GRM7: variants seen among roughly 807,000 people sequenced by gnomAD.
The protein encoded by GRM7 is glutamate metabotropic receptor 7.
In GRM7, 35 loss-of-function variants were observed where a neutral mutation model predicts 84.5. That is an observed-to-expected ratio of 0.41 (90% CI 0.32 to 0.55). The LOEUF (loss-of-function observed/expected upper bound fraction) is 0.55, where lower values mean the gene tolerates loss of function less well. Among genes scored for constraint, GRM7 ranks in the 20% least tolerant of loss-of-function variants. GRM7 has a pLI of 0.19. For missense variants in GRM7, 1,003 were observed against 1,194.6 expected (o/e 0.84, Z 2.36); for synonymous variants, 487 against 455.1 (o/e 1.07, Z -0.89).
rs189946338 is a variant in GRM7, at chr3:7,486,151, T to C, written c.1515+24429T>C. Among the ~76,000 whole-genome samples the C allele has an allele frequency of 2.0e-5, 3 of 152,202 alleles. No individual in the cohort carries two copies. The highest frequency in any genetic ancestry group is 2.9e-5 in the Non-Finnish European group (2 of 68,040). On this transcript the variant is annotated intron_variant, in intron 7 of 9. Transcript: ENST00000357716. This position sits in a 1 kb window ranked among gnomAD's most constrained non-coding sequence, Gnocchi z 5.5. ...TTGAACTGACTCTGATCTTAGAATA[T>C]ATTTCATTTTGCTCTAAAAGTAGAA...
intron 4 of GRM7, among the ~76,000 whole-genome samples, chr3:7,320,848 A>G (rs1197983533): frequency 3.3e-5 from 5 of 152,016 alleles, no homozygotes; most frequent in Non-Finnish European, 2.9e-5. Flanking sequence ...CCATTGATAC[A>G]TCATAAACAT....
intron 7 of GRM7, among the ~76,000 whole-genome samples, chr3:7,481,688 C>A (rs979466810): frequency 6.6e-6 from 1 of 152,148 alleles, no homozygotes; most frequent in African/African-American, 2.4e-5. Context: ...GGGAAGAATC[C>A]TCTCTCAGGA....
intron 7 of GRM7, among the ~76,000 whole-genome samples, chr3:7,517,803 T>A (rs963600777): frequency 3.9e-5 from 6 of 152,222 alleles, no homozygotes. Flanking sequence ...ATTCAATACA[T>A]CTGAACTTCT....
intron 8 of GRM7, among the ~76,000 whole-genome samples, chr3:7,592,913 A>T (rs1695861668): frequency 6.6e-6 from 1 of 152,160 alleles, no homozygotes; most frequent in Non-Finnish European, 1.5e-5. Context: ...TTCAAGCACC[A>T]ACCCTACCCT....
At chr3:6,957,614 C>G (rs746335042) in intron 1 of GRM7, among the ~76,000 whole-genome samples, 11 of 152,166 alleles carry the variant, frequency 7.2e-5, no homozygotes, top group Non-Finnish European at 1.2e-4. Context: ...CAATTTCATT[C>G]CCACCCCGAT....
intron 7 of GRM7, among the ~76,000 whole-genome samples, chr3:7,575,333 T>A (rs1694907359): frequency 6.6e-6 from 1 of 152,186 alleles, no homozygotes; most frequent in Non-Finnish European, 1.5e-5. Flanking sequence ...AGTCTTTTTC[T>A]TAATCTTTCT....
chr3:6,881,510 T>G (rs1695505448), intron 1 of GRM7, among the ~76,000 whole-genome samples: 1 of 152,206 alleles, frequency 6.6e-6, no homozygotes, highest in Admixed American at 6.5e-5. Flanking sequence ...ATGGTTTATA[T>G]GTACCACATT....
At chr3:6,993,922 A>T (rs138756481) in intron 1 of GRM7, among the ~76,000 whole-genome samples, 2 of 152,294 alleles carry the variant, frequency 1.3e-5, no homozygotes, top group East Asian at 3.9e-4. Flanking sequence ...GAGGTGCAGG[A>T]TTTGGGAATG....
chr3:7,189,336 T>C (rs938461136), intron 2 of GRM7, among the ~76,000 whole-genome samples: 9 of 152,214 alleles, frequency 5.9e-5, no homozygotes, highest in Admixed American at 3.9e-4. Flanking sequence ...CTGGGTCTCC[T>C]ATCTTCCAGT....
intron 2 of GRM7, among the ~76,000 whole-genome samples, chr3:7,220,409 A>G (rs569531887): frequency 7.2e-4 from 109 of 152,344 alleles, no homozygotes; most frequent in African/African-American, 2.5e-3. Flanking sequence ...CAGACAAATC[A>G]GGAGAAATAC....
At chr3:6,866,273 G>T (rs535229092) in intron 1 of GRM7, among the ~76,000 whole-genome samples, 1 of 151,430 alleles carries the variant, frequency 6.6e-6, no homozygotes, top group African/African-American at 2.4e-5. Flanking sequence ...TCTCAATCCT[G>T]CCATTAACTG....
At chr3:6,964,203 G>A (rs1693410206) in intron 1 of GRM7, among the ~76,000 whole-genome samples, 1 of 152,116 alleles carries the variant, frequency 6.6e-6, no homozygotes, top group African/African-American at 2.4e-5. Context: ...AAGTACTATG[G>A]ACTGGGTGGC....
chr3:7,492,595 C>G (rs939280468), intron 7 of GRM7, among the ~76,000 whole-genome samples: 7 of 152,016 alleles, frequency 4.6e-5, no homozygotes, highest in African/African-American at 7.2e-5. Flanking sequence ...TATGTCTTTT[C>G]TATATGAGTT....
intron 4 of GRM7, among the ~76,000 whole-genome samples, chr3:7,318,087 G>A (rs549991139): frequency 1.8e-4 from 28 of 152,126 alleles, no homozygotes; most frequent in African/African-American, 5.3e-4. Context: ...AATCACAGGC[G>A]TCTTAACATT....
At chr3:6,909,265 C>T (rs116056107) in intron 1 of GRM7, among the ~76,000 whole-genome samples, 1 of 152,078 alleles carries the variant, frequency 6.6e-6, no homozygotes, top group African/African-American at 2.4e-5. Context: ...TACTACTAAG[C>T]CTGCCCTTTG....
At chr3:6,887,725 T>C (rs909728065) in intron 1 of GRM7, among the ~76,000 whole-genome samples, 1 of 152,220 alleles carries the variant, frequency 6.6e-6, no homozygotes, top group Admixed American at 6.5e-5. Flanking sequence ...GCAGGATTTA[T>C]AGTCCTTTGG....
chr3:6,908,391 T>C (rs1696653592), intron 1 of GRM7, among the ~76,000 whole-genome samples: 1 of 152,216 alleles, frequency 6.6e-6, no homozygotes. Context: ...GCACTTAAGC[T>C]TGCAGCAATG....
chr3:7,517,269 C>T (rs1700425575), intron 7 of GRM7, among the ~76,000 whole-genome samples: 1 of 152,054 alleles, frequency 6.6e-6, no homozygotes, highest in Non-Finnish European at 1.5e-5. Context: ...TCACTTTATA[C>T]ATAATTAGCA....
At chr3:7,661,283 G>A (rs1392760665) in intron 8 of GRM7, among the ~76,000 whole-genome samples, 1 of 152,052 alleles carries the variant, frequency 6.6e-6, no homozygotes, top group East Asian at 1.9e-4. Flanking sequence ...AAAAACAACT[G>A]GGCAAAAATA....
Sources: gnomAD v4.1 joint callset for allele counts (sites outside exome capture counted in the v4.1 genomes callset) on GRCh38, gnomAD v4.1.1 for gene constraint, Gnocchi (gnomAD v3.1) non-coding constraint, MANE v1.5 for transcripts, NCBI Gene and HGNC (gene_info 2026-07-23, HGNC 2026-07-21) for gene names.